SNX18: variants seen among roughly 807,000 people sequenced by gnomAD.
The protein encoded by SNX18 is sorting nexin-18.
In SNX18, 35 loss-of-function variants were observed where a neutral mutation model predicts 48.7. The ratio of observed to expected loss-of-function variants is 0.72; its 90% CI spans 0.55 to 0.95. The LOEUF (loss-of-function observed/expected upper bound fraction) is 0.95, where lower values mean the gene tolerates loss of function less well. Among genes scored for constraint, SNX18 ranks in the 40% least tolerant of loss-of-function variants. The probability of loss-of-function intolerance (pLI) is 0.00; values close to 1 mark genes in which losing one functional copy is unlikely to be tolerated. For synonymous variants in SNX18, 492 were observed against 384.7 expected, an observed-to-expected ratio of 1.28 and a Z score of -3.26; for missense variants, 824 against 871.0, an observed-to-expected ratio of 0.95 and a Z score of 0.68.
chr5:54,639,787 G>A, the SNX18 span, among the ~76,000 whole-genome samples: 2 of 147,804 alleles, frequency 1.4e-5, no homozygotes, highest in Non-Finnish European at 3.0e-5. Context: ...TCAGAGAAGC[G>A]ATTTGCAGAT....
chr5:54,567,437 G>A, the SNX18 span, among the ~76,000 whole-genome samples: 1 of 152,150 alleles, frequency 6.6e-6, no homozygotes, highest in East Asian at 1.9e-4. Flanking sequence ...GATGGGGATT[G>A]TGGGGGACAA....
chr5:54,541,893 G>A (rs1762477682), intron 1 of SNX18, among the ~76,000 whole-genome samples: 1 of 152,098 alleles, frequency 6.6e-6, no homozygotes, highest in South Asian at 2.1e-4. Flanking sequence ...TAGAAATAGG[G>A]CATCTTCCCT....
intron 1 of SNX18, chr5:54,520,092 C>T (rs902915272): frequency 2.5e-6 from 1 of 400,674 alleles, no homozygotes; most frequent in Non-Finnish European, 4.7e-6. Context: ...TAAGAAATTC[C>T]TGCAAAGAAT....
At chr5:54,531,666 TCAG>T (rs372948961) in intron 1 of SNX18, among the ~76,000 whole-genome samples, 4 of 152,198 alleles carry the variant, frequency 2.6e-5, no homozygotes, top group Admixed American at 1.3e-4. Flanking sequence ...CCGGATGTGG[TCAG>T]AGTAAAGACT....
the SNX18 span, among the ~76,000 whole-genome samples, chr5:54,572,750 G>GTATATATATATATA: frequency 1.9e-4 from 8 of 41,476 alleles, no homozygotes; most frequent in Non-Finnish European, 3.6e-4. Context: ...GTGTGTGTGT[G>GTATATATATATATA]TGTGTATATA....
chr5:54,551,466 C>T (rs1762654464), downstream of SNX18, among the ~76,000 whole-genome samples: 1 of 152,214 alleles, frequency 6.6e-6, no homozygotes, highest in Non-Finnish European at 1.5e-5. Flanking sequence ...TTTGTGATGG[C>T]ATTTTGCAAC....
intron 1 of SNX18, among the ~76,000 whole-genome samples, chr5:54,535,843 C>T (rs1762343147): frequency 6.6e-6 from 1 of 152,210 alleles, no homozygotes; most frequent in Non-Finnish European, 1.5e-5. Context: ...CTCTGCCTTG[C>T]CTTCCCCAGA....
the SNX18 span, among the ~76,000 whole-genome samples, chr5:54,636,515 C>A: frequency 6.6e-6 from 1 of 152,144 alleles, no homozygotes; most frequent in African/African-American, 2.4e-5. Context: ...TGCAAAACTA[C>A]CCAGTAAACC....
At chr5:54,570,618 G>A in the SNX18 span, among the ~76,000 whole-genome samples, 1 of 152,118 alleles carries the variant, frequency 6.6e-6, no homozygotes, top group Non-Finnish European at 1.5e-5. Context: ...GACTTCCTTT[G>A]TTTCCTCCAC....
At chr5:54,622,759 T>C in the SNX18 span, among the ~76,000 whole-genome samples, 4 of 152,040 alleles carry the variant, frequency 2.6e-5, no homozygotes, top group Non-Finnish European at 2.9e-5. Context: ...ATTTATCTAA[T>C]GTTAACAAGA....
At chr5:54,645,922 T>A in the SNX18 span, 2 of 152,250 alleles carry the variant, frequency 1.3e-5, no homozygotes, top group Non-Finnish European at 2.9e-5. Context: ...TAAGTCAATG[T>A]TTTTCCTCTC....
the SNX18 span, among the ~76,000 whole-genome samples, chr5:54,559,193 T>C: frequency 6.6e-6 from 1 of 152,278 alleles, no homozygotes; most frequent in African/African-American, 2.4e-5. Context: ...AAACTATCAA[T>C]GACATTCTTC....
At chr5:54,553,449 C>T in the SNX18 span, among the ~76,000 whole-genome samples, 1 of 152,114 alleles carries the variant, frequency 6.6e-6, no homozygotes, top group Non-Finnish European at 1.5e-5. Flanking sequence ...CAACAGGTCC[C>T]TCCTCTGTAT....
intron 1 of SNX18, 96 bp downstream of exon 1, chr5:54,519,669 T>C (rs757667838): frequency 6.2e-7 from 1 of 1,614,184 alleles, no homozygotes. Context: ...TTCAGAATCA[T>C]ATTCTACAGG....
the SNX18 span, among the ~76,000 whole-genome samples, chr5:54,588,332 T>A: frequency 4.2e-5 from 2 of 48,026 alleles, no homozygotes; most frequent in Non-Finnish European, 8.0e-5. Context: ...TTTTTTTTTT[T>A]TTTTTTTTTT....
the SNX18 span, among the ~76,000 whole-genome samples, chr5:54,639,460 T>A: frequency 5.0e-4 from 76 of 152,346 alleles, 1 homozygote; most frequent in African/African-American, 1.7e-3. Flanking sequence ...AAAGCCAATG[T>A]CACTTCCAGT....
the SNX18 span, among the ~76,000 whole-genome samples, chr5:54,606,537 G>A: frequency 2.6e-5 from 4 of 152,180 alleles, no homozygotes; most frequent in African/African-American, 9.7e-5. Flanking sequence ...GCTCAATTCA[G>A]AGGCATTCAC....
chr5:54,634,412 G>C, the SNX18 span, among the ~76,000 whole-genome samples: 1 of 152,222 alleles, frequency 6.6e-6, no homozygotes, highest in African/African-American at 2.4e-5. Context: ...ATAGGAGCCA[G>C]TAAACCAAAC....
chr5:54,565,410 C>CGG, the SNX18 span, among the ~76,000 whole-genome samples: 1 of 150,892 alleles, frequency 6.6e-6, no homozygotes, highest in East Asian at 1.9e-4. Flanking sequence ...CCTGTCTCTA[C>CGG]GAAAGAAAAA....
Sources: allele counts gnomAD v4.1 joint callset (sites outside exome capture counted in the v4.1 genomes callset), GRCh38; gene constraint gnomAD v4.1.1; transcripts MANE v1.5; gene names NCBI Gene and HGNC (gene_info 2026-07-23, HGNC 2026-07-21).